CELF2: variants seen among roughly 807,000 people sequenced by gnomAD.
The protein encoded by CELF2 is CUG triplet repeat RNA-binding protein 2.
A neutral mutation model predicts 62.6 loss-of-function variants in CELF2; 8 were observed. That is an observed-to-expected ratio of 0.13 (90% CI 0.07 to 0.23). The LOEUF (loss-of-function observed/expected upper bound fraction) is 0.23, where lower values mean the gene tolerates loss of function less well. Among genes scored for constraint, CELF2 ranks in the 10% least tolerant of loss-of-function variants. CELF2 has a pLI of 1.00. For synonymous variants in CELF2, 258 were observed against 250.0 expected (o/e 1.03, Z -0.30); for missense variants, 333 against 671.0 (o/e 0.50, Z 5.56).
chr10:10,638,376 T>C, the CELF2 span, among the ~76,000 whole-genome samples: 2 of 119,732 alleles, frequency 1.7e-5, no homozygotes, highest in Admixed American at 1.6e-4. Context: ...CATCCATTCA[T>C]TCATTCATTC....
chr10:11,303,590 C>T (rs1210428953), intron 9 of CELF2, among the ~76,000 whole-genome samples: 2 of 152,192 alleles, frequency 1.3e-5, no homozygotes, highest in African/African-American at 4.8e-5. Context: ...CGCCCATCCG[C>T]AGAGGCAGTG....
intron 9 of CELF2, 145 bp from the exon 10 acceptor site, chr10:11,313,994 A>C: frequency 2.5e-6 from 2 of 814,230 alleles, no homozygotes; most frequent in Non-Finnish European, 3.9e-6. Context: ...AATTGCCACA[A>C]GTACAATCCC....
rs148328967 is a variant in CELF2, at chr10:11,078,959, A to G, written c.74+60796A>G. 3.5e-4 allele frequency among the ~76,000 whole-genome samples: 54 copies of G among 152,326 alleles called. No individual in the cohort carries two copies. In the East Asian group the frequency reaches 7.9e-3, roughly 22 times the overall value. ...TGGACCCAAAGAGATTTGTTTTACA[A>G]TTGATTAAATCACTTGAGCAGCTCA... On this transcript the variant is annotated intron_variant, in intron 1 of 12. Transcript: ENST00000633077.
At chr10:10,473,513 C>G in the CELF2 span, among the ~76,000 whole-genome samples, 2 of 151,900 alleles carry the variant, frequency 1.3e-5, no homozygotes, top group African/African-American at 4.8e-5. Flanking sequence ...TTACATATAC[C>G]CTTAGCAAGT....
intron 1 of CELF2, among the ~76,000 whole-genome samples, chr10:10,893,378 A>G (rs2062292799): frequency 6.6e-6 from 1 of 152,200 alleles, no homozygotes; most frequent in Non-Finnish European, 1.5e-5. Flanking sequence ...AGTGGTTTCC[A>G]GATCAACTCT....
At chr10:10,941,087 A>G (rs1394669745) in intron 2 of CELF2, among the ~76,000 whole-genome samples, 1 of 152,230 alleles carries the variant, frequency 6.6e-6, no homozygotes, top group African/African-American at 2.4e-5. Context: ...GCTCACAGAA[A>G]AGCAGCATTG....
rs1340784760 is a variant in CELF2 at position 11,269,358 on chromosome 10, G to A, written c.619-1308G>A. 2.6e-5 allele frequency among the ~76,000 whole-genome samples: 4 copies of A among 151,988 alleles called. No individual in the cohort carries two copies. Among genetic ancestry groups the A allele is most frequent in the Non-Finnish European group, 5.9e-5 (4 of 68,000 alleles). On this transcript the variant is annotated intron_variant, in intron 6 of 12. Transcript: ENST00000633077. The surrounding 1 kb of genome is among the most constrained non-coding windows in gnomAD (Gnocchi z 4.4). Reference sequence around the variant, plus strand: ...TTTTTCTCACTTTTTTTTATTAACAGACATGATATCCTCATGTATTCAGAA... The same window carrying A: ...TTTTTCTCACTTTTTTTTATTAACAAACATGATATCCTCATGTATTCAGAA...
rs1305223464 is a variant in CELF2 at position 11,117,676 on chromosome 10, G to A, written c.75-47810G>A. 1.3e-5 allele frequency among the ~76,000 whole-genome samples: 2 copies of A among 152,132 alleles called. No homozygotes were observed. The highest frequency in any genetic ancestry group is 2.9e-5 in the Non-Finnish European group (2 of 68,014). The stretch of plus-strand genomic sequence containing the variant: ...AAATGGAGCAGTGGTCTCCATTCCA[G>A]GTGATGAATGACAAAATCACCCAAG... On this transcript the variant is annotated intron_variant, in intron 1 of 12. Transcript: ENST00000633077. This position sits in a 1 kb window ranked among gnomAD's most constrained non-coding sequence, Gnocchi z 4.1.
intron 3 of CELF2, among the ~76,000 whole-genome samples, chr10:11,231,908 A>G (rs538135993): frequency 7.2e-5 from 11 of 152,292 alleles, no homozygotes; most frequent in African/African-American, 2.4e-4. Context: ...CATCATCTCA[A>G]TATTACATAA....
At chr10:10,650,879 G>A in the CELF2 span, among the ~76,000 whole-genome samples, 3 of 152,232 alleles carry the variant, frequency 2.0e-5, no homozygotes, top group African/African-American at 4.8e-5. Context: ...CAAGATGGCC[G>A]AATAGGAACA....
chr10:11,033,778 A>T (rs1161011777), intron 1 of CELF2, among the ~76,000 whole-genome samples: 1 of 152,232 alleles, frequency 6.6e-6, no homozygotes, highest in East Asian at 1.9e-4. Context: ...ATACAGTGTG[A>T]GTCAGAAAAT....
At chr10:10,671,488 T>C in the CELF2 span, among the ~76,000 whole-genome samples, 2 of 152,192 alleles carry the variant, frequency 1.3e-5, no homozygotes, top group Non-Finnish European at 2.9e-5. Flanking sequence ...AGAATGTGTA[T>C]AGTTTTGCGG....
the CELF2 span, among the ~76,000 whole-genome samples, chr10:10,678,883 G>A: frequency 6.6e-6 from 1 of 152,006 alleles, no homozygotes; most frequent in African/African-American, 2.4e-5. Context: ...GCTACAATGA[G>A]GTCAAAATAA....
chr10:11,304,640 C>A (rs867760665), intron 9 of CELF2, among the ~76,000 whole-genome samples: 4 of 152,224 alleles, frequency 2.6e-5, no homozygotes, highest in Admixed American at 2.0e-4. Context: ...ACTCCTGTTA[C>A]ATAACCCATG....
intron 2 of CELF2, among the ~76,000 whole-genome samples, chr10:11,216,923 A>T (rs1385844435): frequency 1.6e-4 from 24 of 152,364 alleles, no homozygotes; most frequent in Non-Finnish European, 4.4e-5. Flanking sequence ...ACATCATGTA[A>T]TGTGGTGGAG....
rs2091069915 is a variant in CELF2 at position 11,285,829 on chromosome 10, GTGTGTGTGTGTGTGT to G, written c.842-2588_842-2574del. ...CTCATCACCTACTATATATATTGGT[GTGTGTGTGTGTGTGT>G]GTGTGTGTGTGTGTGTGTGTGTGTG... On this transcript the variant is annotated intron_variant, in intron 8 of 12. Coordinates refer to ENST00000633077, the MANE Select transcript of CELF2 (RefSeq NM_001326342.2). The surrounding 1 kb of genome is among the most constrained non-coding windows in gnomAD (Gnocchi z 4.3). Among the ~76,000 whole-genome samples, 1 of 13,466 alleles carries G rather than the reference GTGTGTGTGTGTGTGT, an allele frequency of 7.4e-5. No homozygotes were observed. The highest frequency in any genetic ancestry group is 2.4e-4 in the Non-Finnish European group (1 of 4,108). 8.8% of individuals were successfully genotyped at this position (13,466 alleles called of 152,430 possible). A position where few individuals can be genotyped will look rare whatever the true frequency, so the allele number is the denominator to read the frequency against.
At chr10:11,215,853 C>G (rs2063221738) in intron 2 of CELF2, among the ~76,000 whole-genome samples, 1 of 152,170 alleles carries the variant, frequency 6.6e-6, no homozygotes. Context: ...TATTCCTTGG[C>G]ATGAAGCAAT....
At chr10:11,035,442 G>C (rs1390845160) in intron 1 of CELF2, among the ~76,000 whole-genome samples, 1 of 152,174 alleles carries the variant, frequency 6.6e-6, no homozygotes. Context: ...GTTCTGGAAA[G>C]CTGGGATAGG....
At chr10:10,828,496 G>A (rs769312916) in intron 1 of CELF2, among the ~76,000 whole-genome samples, 3 of 152,124 alleles carry the variant, frequency 2.0e-5, no homozygotes, top group South Asian at 2.1e-4. Context: ...GAGTGGTGGC[G>A]GTCAGGCACT....
Sources: allele counts gnomAD v4.1 joint callset (sites outside exome capture counted in the v4.1 genomes callset), GRCh38; gene constraint gnomAD v4.1.1; non-coding constraint Gnocchi (gnomAD v3.1); transcripts MANE v1.5; gene names NCBI Gene and HGNC (gene_info 2026-07-23, HGNC 2026-07-21).